TRIM2: variants seen among roughly 807,000 people sequenced by gnomAD.
TRIM2 encodes tripartite motif containing 2, also known as tripartite motif-containing protein 2.
TRIM2 carries 20 observed loss-of-function variants against 75.2 expected under a neutral mutation model. The observed-to-expected ratio is 0.27, with a 90% CI of 0.19 to 0.39. The LOEUF is 0.39. Among genes scored for constraint, TRIM2 ranks in the 10% least tolerant of loss-of-function variants. TRIM2 has a pLI of 1.00. For missense variants in TRIM2, 660 were observed against 990.8 expected (o/e 0.67, Z 4.48); for synonymous variants, 373 against 388.3 (o/e 0.96, Z 0.46).
intron 1 of TRIM2, among the ~76,000 whole-genome samples, chr4:153,168,514 C>A (rs915821650): frequency 6.6e-6 from 1 of 151,878 alleles, no homozygotes; most frequent in Non-Finnish European, 1.5e-5. Context: ...GCACTGGGAA[C>A]CACAGAGTTA....
chr4:153,280,609 C>A (rs1759104964), intron 3 of TRIM2, among the ~76,000 whole-genome samples: 1 of 151,878 alleles, frequency 6.6e-6, no homozygotes, highest in Non-Finnish European at 1.5e-5. Flanking sequence ...TGCAAACTGG[C>A]CTCAAGGGAT....
intron 1 of TRIM2, among the ~76,000 whole-genome samples, chr4:153,168,066 G>A (rs1317045259): frequency 6.6e-6 from 1 of 152,004 alleles, no homozygotes; most frequent in Admixed American, 6.6e-5. Context: ...AATGTAGCCA[G>A]CTACTTATAA....
At chr4:153,276,180 C>T (rs956125634) in intron 3 of TRIM2, 50 bp downstream of exon 3, 17 of 1,476,746 alleles carry the variant, frequency 1.2e-5, no homozygotes, top group Non-Finnish European at 1.5e-5. Flanking sequence ...CTACTGTGGC[C>T]TTGGGGAGGC....
chr4:153,315,771 A>G (rs959724981), intron 7 of TRIM2, 61 bp from the exon 8 acceptor site: 8 of 1,589,770 alleles, frequency 5.0e-6, no homozygotes, highest in African/African-American at 1.3e-5. Flanking sequence ...GTTTCTGCCT[A>G]TGCCTTCCTC....
intron 1 of TRIM2, among the ~76,000 whole-genome samples, chr4:153,156,153 A>G (rs1354611081): frequency 1.3e-5 from 2 of 152,254 alleles, no homozygotes; most frequent in East Asian, 1.9e-4. Context: ...CAGATAGGCA[A>G]CTGCAACCAG....
intron 1 of TRIM2, among the ~76,000 whole-genome samples, chr4:153,221,847 C>T (rs1398171754): frequency 9.6e-4 from 47 of 49,120 alleles, no homozygotes; most frequent in Admixed American, 3.5e-3. Flanking sequence ...AAGGAAAGCG[C>T]GAGGAAAGAA....
intron 6 of TRIM2, among the ~76,000 whole-genome samples, chr4:153,304,426 A>AT (rs1459923914): frequency 6.6e-6 from 1 of 152,008 alleles, no homozygotes; most frequent in Non-Finnish European, 1.5e-5. Context: ...TTGAGATGAC[A>AT]TTTAAATTTA....
At chr4:153,215,538 C>A (rs187814641) in intron 1 of TRIM2, among the ~76,000 whole-genome samples, 41 of 151,812 alleles carry the variant, frequency 2.7e-4, no homozygotes, top group African/African-American at 9.4e-4. Context: ...AGGGGTGCAT[C>A]TGGAGTGTTT....
chr4:153,305,901 C>T (rs188009899), intron 6 of TRIM2, among the ~76,000 whole-genome samples: 42 of 152,296 alleles, frequency 2.8e-4, no homozygotes, highest in Non-Finnish European at 5.7e-4. Context: ...CTTTGGGAGG[C>T]TGAGGTGGGC....
chr4:153,159,050 G>T (rs1729495803), intron 1 of TRIM2, among the ~76,000 whole-genome samples: 1 of 152,142 alleles, frequency 6.6e-6, no homozygotes, highest in African/African-American at 2.4e-5. Flanking sequence ...ATTGCAGGTT[G>T]TTCTAAGGAT....
At chr4:153,155,615 A>G (rs752030926) in intron 1 of TRIM2, among the ~76,000 whole-genome samples, 9 of 152,206 alleles carry the variant, frequency 5.9e-5, no homozygotes, top group Non-Finnish European at 1.2e-4. Flanking sequence ...AAATGGCGAA[A>G]AAGTAAAATT....
rs115276345 is a variant in TRIM2, at chr4:153,226,636, A to C, written c.30+22076A>C. Among the ~76,000 whole-genome samples the C allele has an allele frequency of 7.3e-3, 1,105 of 152,320 alleles. 10 individuals are homozygous for C. The highest frequency in any genetic ancestry group is 0.018 in the African/African-American group (750 of 41,580). On this transcript the variant is annotated intron_variant, in intron 1 of 11. Coordinates refer to ENST00000338700, the MANE Select transcript of TRIM2 (RefSeq NM_015271.5). Reference sequence around the variant, plus strand: ...AGTCATTGGTCCAACCTAAAATATTAAGAGAGGCACAGAGTTGCTGACCTA... The same window carrying C: ...AGTCATTGGTCCAACCTAAAATATTCAGAGAGGCACAGAGTTGCTGACCTA...
At chr4:153,277,439 T>C (rs997884889) in intron 3 of TRIM2, among the ~76,000 whole-genome samples, 5 of 152,208 alleles carry the variant, frequency 3.3e-5, no homozygotes, top group Non-Finnish European at 5.9e-5. Context: ...TGTGTACTTA[T>C]TAGTCCTGGC....
intron 1 of TRIM2, among the ~76,000 whole-genome samples, chr4:153,234,272 A>AG (rs1744428885): frequency 6.6e-6 from 1 of 152,182 alleles, no homozygotes; most frequent in Admixed American, 6.6e-5. Flanking sequence ...TGTTGCTTGC[A>AG]TCTCCCTTTA....
chr4:153,332,830 A>C (rs1295482612), intron 11 of TRIM2, among the ~76,000 whole-genome samples: 1 of 152,234 alleles, frequency 6.6e-6, no homozygotes, highest in Non-Finnish European at 1.5e-5. Flanking sequence ...CAAATGCTGG[A>C]GAGCATGTAG....
At chr4:153,280,247 G>T (rs1218935853) in intron 3 of TRIM2, among the ~76,000 whole-genome samples, 1 of 152,060 alleles carries the variant, frequency 6.6e-6, no homozygotes, top group Admixed American at 6.5e-5. Context: ...AAGCTAGAAA[G>T]GTCTCCCATT....
rs1560883648 is a variant in TRIM2 at position 153,248,763 on chromosome 4, ACTC to A, written c.31-21571_31-21569del. 6.6e-6 allele frequency among the ~76,000 whole-genome samples: 1 copy of A among 152,140 alleles called. No individual in the cohort carries two copies. Among genetic ancestry groups the A allele is most frequent in the South Asian group, 2.1e-4 (1 of 4,832 alleles). ...TGCCAGGCAGGTTGCTTAGGAAAAT[ACTC>A]TTCTGGTAACATGTTGGAGGGGCAG... On this transcript the variant is annotated intron_variant, in intron 1 of 11. Transcript: ENST00000338700. The surrounding 1 kb of genome is among the most constrained non-coding windows in gnomAD (Gnocchi z 4.0).
intron 1 of TRIM2, among the ~76,000 whole-genome samples, chr4:153,235,472 G>A (rs1744784769): frequency 6.6e-6 from 1 of 151,864 alleles, no homozygotes; most frequent in Non-Finnish European, 1.5e-5. Flanking sequence ...TTTTCATAGA[G>A]ATGAGGTTTC....
chr4:153,286,747 A>C (rs546424891), intron 3 of TRIM2, among the ~76,000 whole-genome samples: 179 of 150,218 alleles, frequency 1.2e-3, no homozygotes, highest in African/African-American at 4.1e-3. Context: ...TGCCACACAC[A>C]CACACCCACC....
Sources: gnomAD v4.1 joint callset for allele counts (sites outside exome capture counted in the v4.1 genomes callset) on GRCh38, gnomAD v4.1.1 for gene constraint, Gnocchi (gnomAD v3.1) non-coding constraint, MANE v1.5 for transcripts, NCBI Gene and HGNC (gene_info 2026-07-23, HGNC 2026-07-21) for gene names.